HAPLN3: variants seen among roughly 807,000 people sequenced by gnomAD.
The protein encoded by HAPLN3 is extracellular link domain containing, 1.
In HAPLN3, 28 loss-of-function variants were observed where a neutral mutation model predicts 28.1. The observed-to-expected ratio is 1.00, with a 90% CI of 0.74 to 1.37. The LOEUF is 1.37. Ranked by LOEUF, HAPLN3 falls within the 40% of genes most tolerant of loss-of-function variation. HAPLN3 has a pLI of 0.00. For missense variants in HAPLN3, 513 were observed against 504.6 expected, an observed-to-expected ratio of 1.02 and a Z score of -0.16; for synonymous variants, 211 against 213.1, an observed-to-expected ratio of 0.99 and a Z score of 0.09.
intron 4 of HAPLN3, among the ~76,000 whole-genome samples, chr15:88,878,462 G>T (rs1212204464): frequency 2.6e-5 from 4 of 152,194 alleles, no homozygotes; most frequent in Non-Finnish European, 5.9e-5. Context: ...CTCCAGACAT[G>T]TCTGCACTCC....
chr15:88,880,714 T>C lies in HAPLN3; in HGVS notation c.493+643A>G, dbSNP rs139952946. 6 of 574,364 alleles carry C rather than the reference T, an allele frequency of 1.0e-5. No homozygotes were observed. The highest frequency in any genetic ancestry group is 1.5e-5 in the Non-Finnish European group (6 of 402,380). 35.6% of individuals were successfully genotyped at this position (574,364 alleles called of 1,614,324 possible). A position where few individuals can be genotyped will look rare whatever the true frequency, so the allele number is the denominator to read the frequency against. On this transcript the variant is annotated intron_variant, in intron 3 of 4. Coordinates refer to ENST00000359595, the MANE Select transcript of HAPLN3 (RefSeq NM_178232.4). This position sits in a 1 kb window ranked among gnomAD's most constrained non-coding sequence, Gnocchi z 6.0. ...TGGTTTGGACAGCACTGGGTTTTTG[T>C]TTTTGGTTTTGGGGGGGCTTTTTGT...
At chr15:88,893,093 C>T in intron 1 of HAPLN3, 1 of 865,410 alleles carries the variant, frequency 1.2e-6, no homozygotes, top group South Asian at 1.4e-5. Context: ...GTTCACCTCT[C>T]TGTGCCTCCA....
rs1414381708 is a variant in HAPLN3, at chr15:88,879,005, T to C, written c.758A>G (p.His253Arg). ...AGCGAAGCAGAATACATCATAGCGGTGCAGGCGGCGGTGGCGGGGGCCGTA... is the reference window on the plus strand; with the variant it reads ...AGCGAAGCAGAATACATCATAGCGGCGCAGGCGGCGGTGGCGGGGGCCGTA... The part of the protein sequence containing the change: ...RSYGPRHRRL[H>R]RYDVFCFATA... Residue 253 changes from histidine to arginine, a missense_variant, in exon 4 of 5, where the codon CAC (histidine) becomes CGC (arginine). Coordinates refer to ENST00000359595, the MANE Select transcript of HAPLN3 (RefSeq NM_178232.4). This position sits in a 1 kb window ranked among gnomAD's most constrained non-coding sequence, Gnocchi z 5.0. 4 of 1,610,562 alleles carry C rather than the reference T, an allele frequency of 2.5e-6. No homozygotes were observed. In the African/African-American group the frequency reaches 4.0e-5, roughly 16 times the overall value.
chr15:88,895,444 C>T lies in HAPLN3; in HGVS notation c.-48+15G>A, dbSNP rs1016028262. 6 of 152,374 alleles carry T rather than the reference C, an allele frequency of 3.9e-5. No individual in the cohort carries two copies. Among genetic ancestry groups the T allele is most frequent in the African/African-American group, 1.4e-4 (6 of 41,440 alleles). 9.4% of individuals were successfully genotyped at this position (152,374 alleles called of 1,614,324 possible). A position where few individuals can be genotyped will look rare whatever the true frequency, so the allele number is the denominator to read the frequency against. On this transcript the variant is annotated intron_variant, in intron 1 of 4. Coordinates refer to ENST00000359595, the MANE Select transcript of HAPLN3 (RefSeq NM_178232.4). This position sits in a 1 kb window ranked among gnomAD's most constrained non-coding sequence, Gnocchi z 5.5. ...CACACAGCCCCAGAAGCCCAGCGAC[C>T]CCTAAGCCACGTACCGTCCCCAGGC...
rs1897566287 is a variant in HAPLN3 at position 88,877,753 on chromosome 15, C to A, written c.*217G>T. 2 of 560,552 alleles carry A rather than the reference C, an allele frequency of 3.6e-6. No individual in the cohort carries two copies. The highest frequency in any genetic ancestry group is 2.3e-5 in the South Asian group (1 of 42,736). The allele number at this position is 560,552 out of a possible 1,614,324, so 34.7% of individuals were successfully genotyped here. ...AGAAGCCCACAAAACCGCAAATGGC[C>A]CAGGGGAGCAAGCATGATTCCTGGA... On this transcript the variant is annotated 3_prime_UTR_variant, in exon 5 of 5. Transcript: ENST00000359595. This position sits in a 1 kb window ranked among gnomAD's most constrained non-coding sequence, Gnocchi z 5.1.
In HAPLN3 at chr15:88,881,366, C is replaced by T. The variant is rs1244753049; in HGVS notation, c.484G>A (p.Glu162Lys). Reference sequence around the variant, plus strand: ...CCCGTTAGCATCTCACCCCGCAGCTCCAGCTCCACCAGACCGCTTTCATCC... The same window carrying T: ...CCCGTTAGCATCTCACCCCGCAGCTTCAGCTCCACCAGACCGCTTTCATCC... ...LEDESGLVEL[E>K]LRGVVFPYQS... is the part of the protein sequence containing the mutation. Residue 162 changes from glutamate to lysine, a missense_variant, in exon 3 of 5, where the codon GAG (glutamate) becomes AAG (lysine). Physicochemically the swap from Glu to Lys is moderately conservative, Grantham distance 56 (BLOSUM62 1). Transcript: ENST00000359595. The surrounding 1 kb of genome is among the most constrained non-coding windows in gnomAD (Gnocchi z 6.0). The T allele has an allele frequency of 2.5e-6, 4 of 1,610,984 alleles. No individual in the cohort carries two copies. Among genetic ancestry groups the T allele is most frequent in the Admixed American group, 3.3e-5 (2 of 59,886 alleles).
Position 88,878,078 on chromosome 15 carries a change from C to T in HAPLN3, c.975G>A (p.Val325=). 1 of 1,614,076 alleles carries T rather than the reference C, an allele frequency of 6.2e-7. No individual in the cohort carries two copies. The highest frequency in any genetic ancestry group is 8.5e-7 in the Non-Finnish European group (1 of 1,180,008). ...GCCCACAGTTAGGATGCGGGTGAAC[C>T]ACAGGGTAGCGGACGCTACCATCTG... ...WLADGSVRYP[V]VHPHPNCGPP... is the part of the protein sequence containing the mutation. Residue 325 remains valine, a synonymous_variant, in exon 5 of 5, where the codon GTG becomes GTA. Coordinates refer to ENST00000359595, the MANE Select transcript of HAPLN3 (RefSeq NM_178232.4).
At chr15:88,887,409 G>T in intron 1 of HAPLN3, 64 bp from the exon 2 acceptor site, 1 of 1,403,388 alleles carries the variant, frequency 7.1e-7, no homozygotes, top group Non-Finnish European at 9.7e-7. Flanking sequence ...CATCCCCTCT[G>T]CTCCAACACC....
chr15:88,879,608 T>G lies in HAPLN3; in HGVS notation c.494-339A>C, dbSNP rs914743466. Reference sequence around the variant, plus strand: ...CTCCAGACAGGCCCGGGCTTTGGGCTCTAGGGGCCAGGTTTGACTCCCAGC... The same window carrying G: ...CTCCAGACAGGCCCGGGCTTTGGGCGCTAGGGGCCAGGTTTGACTCCCAGC... On this transcript the variant is annotated intron_variant, in intron 3 of 4. Transcript: ENST00000359595. The surrounding 1 kb of genome is among the most constrained non-coding windows in gnomAD (Gnocchi z 5.0). The G allele has an allele frequency of 5.0e-5, 65 of 1,298,526 alleles. No homozygotes were observed. Among genetic ancestry groups the G allele is most frequent in the Non-Finnish European group, 6.5e-5 (65 of 1,000,982 alleles). The allele number at this position is 1,298,526 out of a possible 1,614,324, so 80.4% of individuals were successfully genotyped here.
chr15:88,883,851 G>T (rs1389061064), intron 2 of HAPLN3, among the ~76,000 whole-genome samples: 1 of 152,174 alleles, frequency 6.6e-6, no homozygotes, highest in Non-Finnish European at 1.5e-5. Context: ...GCCAAGGCGG[G>T]CAGATCACTT....
chr15:88,880,258 C>T lies in HAPLN3; in HGVS notation c.494-989G>A. 1 of 1,040,304 alleles carries T rather than the reference C, an allele frequency of 9.6e-7. No individual in the cohort carries two copies. The highest frequency in any genetic ancestry group is 1.2e-6 in the Non-Finnish European group (1 of 862,446). 64.4% of individuals were successfully genotyped at this position (1,040,304 alleles called of 1,614,324 possible). Reference sequence around the variant, plus strand: ...TGTTTCTCTAGGCTGCCCCTGCAGACCCCAGACCAATGACTCTTGCAGGTT... The same window carrying T: ...TGTTTCTCTAGGCTGCCCCTGCAGATCCCAGACCAATGACTCTTGCAGGTT... On this transcript the variant is annotated intron_variant, in intron 3 of 4. Transcript: ENST00000359595. This position sits in a 1 kb window ranked among gnomAD's most constrained non-coding sequence, Gnocchi z 6.0.
Position 88,880,506 on chromosome 15 carries a change from C to G in HAPLN3, c.493+851G>C, listed in dbSNP as rs1596165271. The G allele has an allele frequency of 7.9e-7, 1 of 1,271,220 alleles. No homozygotes were observed. The highest frequency in any genetic ancestry group is 1.2e-5 in the South Asian group (1 of 80,050). The allele number at this position is 1,271,220 out of a possible 1,614,324, so 78.7% of individuals were successfully genotyped here. A position where few individuals can be genotyped will look rare whatever the true frequency, so the allele number is the denominator to read the frequency against. On this transcript the variant is annotated intron_variant, in intron 3 of 4. Coordinates refer to ENST00000359595, the MANE Select transcript of HAPLN3 (RefSeq NM_178232.4). The surrounding 1 kb of genome is among the most constrained non-coding windows in gnomAD (Gnocchi z 6.0). ...CTAAGGGGGATGAGGCATTTACCCA[C>G]ATGTCATAGCTGGGACGGGCTGGGG... is the stretch of plus-strand genomic sequence containing the variant.
Position 88,877,908 on chromosome 15 carries a change from A to G in HAPLN3, c.*62T>C. The G allele has an allele frequency of 6.7e-7, 1 of 1,482,854 alleles. No homozygotes were observed. The highest frequency in any genetic ancestry group is 9.1e-7 in the Non-Finnish European group (1 of 1,102,584). The allele number at this position is 1,482,854 out of a possible 1,614,324, so 91.9% of individuals were successfully genotyped here. Reference sequence around the variant, plus strand: ...TAAAATGGCTCCAACCCACAAGGGAAAACGAACCACTCAATAAATACACAG... The same window carrying G: ...TAAAATGGCTCCAACCCACAAGGGAGAACGAACCACTCAATAAATACACAG... On this transcript the variant is annotated 3_prime_UTR_variant, in exon 5 of 5. Transcript: ENST00000359595. The surrounding 1 kb of genome is among the most constrained non-coding windows in gnomAD (Gnocchi z 5.1).
chr15:88,879,615 G>T lies in HAPLN3; in HGVS notation c.494-346C>A, dbSNP rs1227826990. On this transcript the variant is annotated intron_variant, in intron 3 of 4. Transcript: ENST00000359595. This position sits in a 1 kb window ranked among gnomAD's most constrained non-coding sequence, Gnocchi z 5.0. ...CAGGCCCGGGCTTTGGGCTCTAGGG[G>T]CCAGGTTTGACTCCCAGCTCCCCAC... The T allele has an allele frequency of 7.8e-7, 1 of 1,283,500 alleles. No homozygotes were observed. The highest frequency in any genetic ancestry group is 1.0e-6 in the Non-Finnish European group (1 of 993,250). 79.5% of individuals were successfully genotyped at this position (1,283,500 alleles called of 1,614,324 possible). A position where few individuals can be genotyped will look rare whatever the true frequency, so the allele number is the denominator to read the frequency against.
intron 1 of HAPLN3, among the ~76,000 whole-genome samples, chr15:88,892,334 G>A (rs920063216): frequency 1.3e-5 from 2 of 152,064 alleles, no homozygotes; most frequent in African/African-American, 2.4e-5. Flanking sequence ...GTGGGTGCCT[G>A]TAATCCCAGC....
chr15:88,879,547 G>T lies in HAPLN3; in HGVS notation c.494-278C>A. On this transcript the variant is annotated intron_variant, in intron 3 of 4. Transcript: ENST00000359595. This position sits in a 1 kb window ranked among gnomAD's most constrained non-coding sequence, Gnocchi z 5.0. ...CAATGTCCCCAACCTAATCCGCAAGGCTGTCGCCAGACCCCCAGTGAGGCT... is the reference window on the plus strand; with the variant it reads ...CAATGTCCCCAACCTAATCCGCAAGTCTGTCGCCAGACCCCCAGTGAGGCT... The T allele has an allele frequency of 7.0e-7, 1 of 1,430,694 alleles. No individual in the cohort carries two copies. Among genetic ancestry groups the T allele is most frequent in the African/African-American group, 1.4e-5 (1 of 70,826 alleles). The allele number at this position is 1,430,694 out of a possible 1,614,324, so 88.6% of individuals were successfully genotyped here.
Position 88,886,470 on chromosome 15 carries a change from ACTG to A in HAPLN3, c.124+702_124+704del, listed in dbSNP as rs766328573. On this transcript the variant is annotated intron_variant, in intron 2 of 4. Coordinates refer to ENST00000359595, the MANE Select transcript of HAPLN3 (RefSeq NM_178232.4). ...CCCAACCCATGTTGGGTGCACAATA[ACTG>A]CTACTTTAAAACGTTCCCTGCCCAA... Among the ~76,000 whole-genome samples the A allele has an allele frequency of 5.3e-5, 8 of 152,152 alleles. No homozygotes were observed. In the East Asian group the frequency reaches 1.4e-3, roughly 26 times the overall value.
At chr15:88,892,667 C>G (rs558073251) in intron 1 of HAPLN3, among the ~76,000 whole-genome samples, 22 of 152,216 alleles carry the variant, frequency 1.4e-4, no homozygotes, top group Middle Eastern at 6.8e-3. Context: ...CATTTGACCT[C>G]TCTGAACAGA....
At position 88,878,966 on chromosome 15, in the gene HAPLN3, C is replaced by A. The variant is rs768014780; in HGVS notation, c.796+1G>T. On this transcript the variant is annotated splice_donor_variant, in intron 4 of 4. Coordinates refer to ENST00000359595, the MANE Select transcript of HAPLN3 (RefSeq NM_178232.4). LOFTEE classifies it high-confidence loss of function. Reference sequence around the variant, plus strand: ...GGCCCGCGCTTGGCTATTCCACTCACCCTTGAGGGCAGTAGCGAAGCAGAA... The same window carrying A: ...GGCCCGCGCTTGGCTATTCCACTCAACCTTGAGGGCAGTAGCGAAGCAGAA... The A allele has an allele frequency of 6.2e-7, 1 of 1,606,910 alleles. No individual in the cohort carries two copies. Among genetic ancestry groups the A allele is most frequent in the East Asian group, 2.2e-5 (1 of 44,676 alleles).
Sources: gnomAD v4.1 joint callset for allele counts (sites outside exome capture counted in the v4.1 genomes callset) on GRCh38, gnomAD v4.1.1 for gene constraint, Gnocchi (gnomAD v3.1) non-coding constraint, MANE v1.5 for transcripts, NCBI Gene and HGNC (gene_info 2026-07-23, HGNC 2026-07-21) for gene names.